DTNA: variants seen among roughly 807,000 people sequenced by gnomAD.
DTNA encodes dystrophin-related protein 3.
DTNA carries 43 observed loss-of-function variants against 100.7 expected under a neutral mutation model. The observed-to-expected ratio is 0.43, with a 90% CI of 0.33 to 0.55. The LOEUF is 0.55. DTNA is among the 20% of genes least tolerant of loss of function. DTNA has a pLI of 0.04. For synonymous variants in DTNA, 349 were observed against 347.9 expected (o/e 1.00, Z -0.04); for missense variants, 798 against 953.9 (o/e 0.84, Z 2.15).
intron 1 of DTNA, among the ~76,000 whole-genome samples, chr18:34,528,388 AAG>A (rs1354872308): frequency 6.6e-6 from 1 of 152,078 alleles, no homozygotes; most frequent in Non-Finnish European, 1.5e-5. Context: ...TAGCTCATGC[AAG>A]AGGGTGTGGC....
At chr18:34,557,476 G>C (rs1568651012) in intron 1 of DTNA, among the ~76,000 whole-genome samples, 2 of 152,030 alleles carry the variant, frequency 1.3e-5, no homozygotes, top group South Asian at 4.1e-4. Context: ...TTTCTGTTCT[G>C]TTTTTTCCCC....
At chr18:34,794,436 A>G (rs2094884557) in intron 4 of DTNA, among the ~76,000 whole-genome samples, 186 bp downstream of exon 4, 1 of 152,090 alleles carries the variant, frequency 6.6e-6, no homozygotes, top group Admixed American at 6.6e-5. Context: ...CCTGTGAAAA[A>G]GACTAGAGAG....
chr18:34,726,742 A>C (rs1302946441), intron 1 of DTNA, among the ~76,000 whole-genome samples: 1 of 152,150 alleles, frequency 6.6e-6, no homozygotes, highest in Non-Finnish European at 1.5e-5. Context: ...CCTGGATTGG[A>C]GTTGAGTGCC....
At chr18:34,551,348 G>A (rs2045392049) in intron 1 of DTNA, among the ~76,000 whole-genome samples, 1 of 152,074 alleles carries the variant, frequency 6.6e-6, no homozygotes, top group Non-Finnish European at 1.5e-5. Context: ...CCTCACCACA[G>A]CCATCACTCA....
At chr18:34,611,720 T>C (rs529776362) in intron 1 of DTNA, among the ~76,000 whole-genome samples, 3 of 152,314 alleles carry the variant, frequency 2.0e-5, no homozygotes, top group Non-Finnish European at 4.4e-5. Flanking sequence ...TTTGGGGACC[T>C]GGTTCTCCCC....
chr18:34,660,695 A>C (rs111331363), intron 1 of DTNA, among the ~76,000 whole-genome samples: 1,748 of 152,248 alleles, frequency 0.011, 40 homozygotes, highest in African/African-American at 0.04. Flanking sequence ...TTGGTCTCCA[A>C]AACCCCTTAT....
At chr18:34,664,766 A>T (rs75665534) in intron 1 of DTNA, among the ~76,000 whole-genome samples, 2,227 of 152,198 alleles carry the variant, frequency 0.015, 59 homozygotes, top group African/African-American at 0.051. Context: ...TGAATTTATA[A>T]ATAAATATTT....
chr18:34,625,145 C>T (rs1174401063), intron 1 of DTNA, among the ~76,000 whole-genome samples: 1 of 152,170 alleles, frequency 6.6e-6, no homozygotes, highest in Admixed American at 6.5e-5. Context: ...AGCAGTTCCC[C>T]TGCCTCAGCC....
At chr18:34,648,218 G>A (rs1351702162) in intron 1 of DTNA, among the ~76,000 whole-genome samples, 1 of 152,186 alleles carries the variant, frequency 6.6e-6, no homozygotes, top group African/African-American at 2.4e-5. Context: ...AAAAAAATAG[G>A]CAAGGGCTGT....
intron 1 of DTNA, among the ~76,000 whole-genome samples, chr18:34,619,330 A>G (rs2055989980): frequency 6.6e-6 from 1 of 152,118 alleles, no homozygotes; most frequent in Admixed American, 6.6e-5. Flanking sequence ...CAATGGCATA[A>G]CCAATCTCAG....
chr18:34,868,729 C>G, intron 17 of DTNA: 1 of 985,140 alleles, frequency 1.0e-6, no homozygotes, highest in Non-Finnish European at 1.2e-6. Context: ...GAGGAGAGAA[C>G]ATGAATTAAA....
chr18:34,571,902 A>G lies in DTNA; in HGVS notation c.-2+78388A>G, dbSNP rs113012765. Among the ~76,000 whole-genome samples, 1,001 of 152,296 alleles carry G rather than the reference A, an allele frequency of 6.6e-3. 6 individuals carry two copies. Among genetic ancestry groups the G allele is most frequent in the South Asian group, 0.016 (76 of 4,820 alleles). On this transcript the variant is annotated intron_variant, in intron 1 of 19. Coordinates refer to the DTNA transcript ENST00000283365. The stretch of plus-strand genomic sequence containing the variant: ...TCAAGAAACAATTAAGTTTCATATC[A>G]GATTTTCTTCCATTAATTTTGGCAA...
At chr18:34,515,748 C>T (rs753840159) in intron 1 of DTNA, among the ~76,000 whole-genome samples, 17 of 152,188 alleles carry the variant, frequency 1.1e-4, no homozygotes, top group South Asian at 6.2e-4. Flanking sequence ...ACCACCTTGG[C>T]GACCTTACCA....
chr18:34,654,830 G>A (rs1001876104), intron 1 of DTNA, among the ~76,000 whole-genome samples: 11 of 151,882 alleles, frequency 7.2e-5, no homozygotes, highest in Admixed American at 6.6e-4. Context: ...GGGTTCAAGC[G>A]ATTCTCCTGC....
Position 34,860,657 on chromosome 18 carries a change from G to T in DTNA, c.1646+2259G>T, listed in dbSNP as rs76694010. Among the ~76,000 whole-genome samples, 14 of 152,228 alleles carry T rather than the reference G, an allele frequency of 9.2e-5. No individual in the cohort carries two copies. The East Asian group carries it at 2.5e-3, about 27-fold the overall frequency. ...CGGCAGAGCTTTGTTTTTCGTTAAT[G>T]CATACTTTCATTTTTGTCTTAAAAC... On this transcript the variant is annotated intron_variant, in intron 16 of 22. Transcript: ENST00000444659.
intron 13 of DTNA, among the ~76,000 whole-genome samples, chr18:34,845,525 A>G (rs1393434814): frequency 6.6e-6 from 1 of 152,162 alleles, no homozygotes; most frequent in East Asian, 1.9e-4. Context: ...CAAGGTGTCA[A>G]AGATATCATG....
chr18:34,533,222 AT>A (rs2043326600), intron 1 of DTNA, among the ~76,000 whole-genome samples: 1 of 151,830 alleles, frequency 6.6e-6, no homozygotes, highest in African/African-American at 2.4e-5. Context: ...AATAAAAAAA[AT>A]TAGCTGGGCA....
chr18:34,721,175 T>C (rs1329497056), intron 1 of DTNA, among the ~76,000 whole-genome samples: 2 of 152,192 alleles, frequency 1.3e-5, no homozygotes, highest in Admixed American at 1.3e-4. Flanking sequence ...TTTACTGGTT[T>C]ACTAATGCAT....
At chr18:34,716,495 G>A (rs1416217740) in intron 1 of DTNA, among the ~76,000 whole-genome samples, 3 of 150,964 alleles carry the variant, frequency 2.0e-5, no homozygotes, top group East Asian at 2.0e-4. Flanking sequence ...CCCAGGAGGC[G>A]GAGGTTGCAG....
Sources: gnomAD v4.1 joint callset for allele counts (sites outside exome capture counted in the v4.1 genomes callset) on GRCh38, gnomAD v4.1.1 for gene constraint, MANE v1.5 for transcripts, NCBI Gene and HGNC (gene_info 2026-07-23, HGNC 2026-07-21) for gene names.